BLTP3A: variants seen among roughly 807,000 people sequenced by gnomAD.
The protein encoded by BLTP3A is ICBP90 binding protein 1.
At chr6:34,857,062 G>A in the BLTP3A span, 2 of 1,240,686 alleles carry the variant, frequency 1.6e-6, no homozygotes, top group Non-Finnish European at 2.2e-6. Context: ...AGTTTGGTCT[G>A]TTTCTTTCTG....
At chr6:34,872,601 C>A in the BLTP3A span, 1 of 853,500 alleles carries the variant, frequency 1.2e-6, no homozygotes. Flanking sequence ...ACTAGCTGTT[C>A]TTACTTGGAC....
At chr6:34,818,563 T>G in the BLTP3A span, among the ~76,000 whole-genome samples, 63 of 152,078 alleles carry the variant, frequency 4.1e-4, no homozygotes, top group Non-Finnish European at 8.5e-4. Context: ...TTAGAAAAAT[T>G]TGTTACAAAA....
chr6:34,797,922 G>T, the BLTP3A span, among the ~76,000 whole-genome samples: 1 of 152,136 alleles, frequency 6.6e-6, no homozygotes, highest in Admixed American at 6.5e-5. Flanking sequence ...CAATTCCAGA[G>T]CTGTGCTCTT....
At chr6:34,847,729 CA>C in the BLTP3A span, among the ~76,000 whole-genome samples, 1 of 147,478 alleles carries the variant, frequency 6.8e-6, no homozygotes, top group Non-Finnish European at 1.5e-5. Flanking sequence ...TTTATCTTTT[CA>C]AAAAAACTTT....
At chr6:34,875,281 G>A in the BLTP3A span, 1 of 152,484 alleles carries the variant, frequency 6.6e-6, no homozygotes, top group Non-Finnish European at 1.5e-5. Flanking sequence ...TTCAAAGGCA[G>A]AATGTTGATC....
At chr6:34,811,356 T>A in the BLTP3A span, among the ~76,000 whole-genome samples, 83 of 152,308 alleles carry the variant, frequency 5.4e-4, 1 homozygote, top group African/African-American at 2.0e-3. Flanking sequence ...GATTTTTTAA[T>A]GCCTAAAATG....
the BLTP3A span, among the ~76,000 whole-genome samples, chr6:34,792,451 C>T: frequency 0.44 from 66,553 of 151,928 alleles, 16,383 homozygotes; most frequent in African/African-American, 0.67. Flanking sequence ...GGACAGCTTC[C>T]CCCCGCGCCC....
At chr6:34,828,836 T>C in the BLTP3A span, among the ~76,000 whole-genome samples, 1 of 151,716 alleles carries the variant, frequency 6.6e-6, no homozygotes, top group Non-Finnish European at 1.5e-5. Context: ...GAAACCAGCA[T>C]GGCCAACATG....
At chr6:34,838,207 A>G in the BLTP3A span, among the ~76,000 whole-genome samples, 1 of 152,192 alleles carries the variant, frequency 6.6e-6, no homozygotes, top group East Asian at 1.9e-4. Context: ...CCAGGCTTTC[A>G]TTTCTTCTTA....
the BLTP3A span, among the ~76,000 whole-genome samples, chr6:34,812,322 C>A: frequency 6.1e-3 from 764 of 124,820 alleles, 5 homozygotes; most frequent in African/African-American, 0.027. Flanking sequence ...GAGCGAAACT[C>A]CGTCTTAAAA....
the BLTP3A span, chr6:34,870,956 T>G: frequency 6.2e-7 from 1 of 1,614,058 alleles, no homozygotes; most frequent in South Asian, 1.1e-5. Flanking sequence ...CATTCCCCCC[T>G]GGCCTCACAA....
chr6:34,855,608 A>C, the BLTP3A span: 7 of 1,612,660 alleles, frequency 4.3e-6, no homozygotes, highest in Non-Finnish European at 5.9e-6. Context: ...CTGTATTTTT[A>C]TTTTATAGGT....
chr6:34,816,948 G>A, the BLTP3A span, among the ~76,000 whole-genome samples: 9 of 152,168 alleles, frequency 5.9e-5, no homozygotes, highest in African/African-American at 2.2e-4. Flanking sequence ...TAAGATTAGA[G>A]GAAGGGTTGC....
At chr6:34,809,545 C>T in the BLTP3A span, among the ~76,000 whole-genome samples, 1 of 152,030 alleles carries the variant, frequency 6.6e-6, no homozygotes, top group Non-Finnish European at 1.5e-5. Context: ...TCCCCAAAAA[C>T]GTTTTTTGTT....
chr6:34,866,787 T>C, the BLTP3A span, among the ~76,000 whole-genome samples: 3 of 152,222 alleles, frequency 2.0e-5, no homozygotes, highest in Non-Finnish European at 2.9e-5. Flanking sequence ...ACTTTATTTT[T>C]ATAAATTTGC....
At chr6:34,867,580 G>A in the BLTP3A span, 42 of 1,613,526 alleles carry the variant, frequency 2.6e-5, no homozygotes, top group African/African-American at 5.3e-5. Flanking sequence ...GCTGGGCACC[G>A]TGGGACTCTG....
At chr6:34,867,429 G>A in the BLTP3A span, 3 of 1,613,628 alleles carry the variant, frequency 1.9e-6, no homozygotes, top group Non-Finnish European at 2.5e-6. Context: ...TGGGCTGAGA[G>A]CTTGGGACTT....
the BLTP3A span, among the ~76,000 whole-genome samples, chr6:34,827,724 C>T: frequency 9.1e-4 from 138 of 152,212 alleles, no homozygotes; most frequent in African/African-American, 3.2e-3. Flanking sequence ...CTCTGCCTCC[C>T]GGGTTCAAGC....
At chr6:34,834,519 G>A in the BLTP3A span, 2 of 1,467,018 alleles carry the variant, frequency 1.4e-6, no homozygotes, top group Non-Finnish European at 1.8e-6. Context: ...CCCCATTCCT[G>A]GGAACCCAGA....
Sources: gnomAD v4.1 joint callset for allele counts (sites outside exome capture counted in the v4.1 genomes callset) on GRCh38, gnomAD v4.1.1 for gene constraint, MANE v1.5 for transcripts, NCBI Gene and HGNC (gene_info 2026-07-23, HGNC 2026-07-21) for gene names.